LAMA2: variants seen among roughly 807,000 people sequenced by gnomAD.
The protein encoded by LAMA2 is laminin subunit alpha 2.
A neutral mutation model predicts 364.8 loss-of-function variants in LAMA2; 269 were observed. The ratio of observed to expected loss-of-function variants is 0.74; its 90% confidence interval spans 0.67 to 0.82. The LOEUF is 0.82. Among genes scored for constraint, LAMA2 ranks in the 40% least tolerant of loss-of-function variants. The pLI, the probability that LAMA2 is intolerant of heterozygous loss-of-function variation, is 0.00. For missense variants in LAMA2, 3,807 were observed against 3,873.2 expected (o/e 0.98, Z 0.45); for synonymous variants, 1,379 against 1,370.6 (o/e 1.01, Z -0.14).
At chr6:129,064,229 A>G (rs968649891) in intron 3 of LAMA2, among the ~76,000 whole-genome samples, 3 of 152,034 alleles carry the variant, frequency 2.0e-5, no homozygotes, top group Non-Finnish European at 4.4e-5. Context: ...ACTTGAGACA[A>G]ATGAGAATGG....
At chr6:129,152,763 G>A (rs1314748868) in intron 7 of LAMA2, among the ~76,000 whole-genome samples, 2 of 152,076 alleles carry the variant, frequency 1.3e-5, no homozygotes. Context: ...ATTTGTAAAG[G>A]GAGAAACATG....
chr6:129,218,590 A>T (rs1783579470), intron 12 of LAMA2, among the ~76,000 whole-genome samples: 1 of 152,158 alleles, frequency 6.6e-6, no homozygotes, highest in Non-Finnish European at 1.5e-5. Flanking sequence ...TAAATGCCTG[A>T]TACAATTCTG....
At chr6:129,290,650 C>T (rs1789630476) in intron 19 of LAMA2, among the ~76,000 whole-genome samples, 1 of 152,086 alleles carries the variant, frequency 6.6e-6, no homozygotes, top group Admixed American at 6.5e-5. Context: ...GTCATCTCCT[C>T]CTTGTATTTT....
Position 129,314,347 on chromosome 6 carries a change from A to C in LAMA2, c.3412-308A>C, listed in dbSNP as rs1963030. On this transcript the variant is annotated intron_variant, in intron 23 of 64. Coordinates refer to ENST00000421865, the MANE Select transcript of LAMA2 (RefSeq NM_000426.4). ...CTGGGAGGCGGAGCTTGCAGTGAGC[A>C]GAGATAGCGCCACTGCACTCTGGCC... Among the ~76,000 whole-genome samples the C allele has an allele frequency of 0.016, 2,364 of 149,122 alleles. 52 individuals are homozygous for C. The highest frequency in any genetic ancestry group is 0.056 in the African/African-American group (2,255 of 40,108).
chr6:129,486,964 A>T (rs1229477719), intron 56 of LAMA2, among the ~76,000 whole-genome samples: 3 of 152,240 alleles, frequency 2.0e-5, no homozygotes, highest in African/African-American at 4.8e-5. Flanking sequence ...CAAAACTCAC[A>T]AATCAGCTCC....
chr6:128,908,787 C>A (rs1777679571), intron 1 of LAMA2, among the ~76,000 whole-genome samples: 1 of 149,572 alleles, frequency 6.7e-6, no homozygotes, highest in African/African-American at 2.5e-5. Context: ...CTATAAATTT[C>A]CCTCTACACA....
At chr6:129,482,374 T>G (rs1157004027) in intron 55 of LAMA2, among the ~76,000 whole-genome samples, 1 of 152,222 alleles carries the variant, frequency 6.6e-6, no homozygotes, top group Non-Finnish European at 1.5e-5. Flanking sequence ...CTGCCCAGAT[T>G]TAAGCATCAT....
At position 129,481,321 on chromosome 6, in the gene LAMA2, T is replaced by A; in HGVS notation, c.7631T>A (p.Ile2544Asn). Residue 2544 changes from isoleucine (I) to asparagine (N), a missense_variant, in exon 55 of 65, where the codon ATT becomes AAT. Coordinates refer to ENST00000421865, the MANE Select transcript of LAMA2 (RefSeq NM_000426.4). ...PGFVELSPVP[I>N]DVGTEINLSF... ...TTTGTGGAGCTCTCCCCTGTGCCAA[T>A]TGATGTAGGAACAGAAATCAACCTG... The A allele has an allele frequency of 1.2e-6, 2 of 1,613,842 alleles. No homozygotes were observed. Among genetic ancestry groups the A allele is most frequent in the South Asian group, 2.2e-5 (2 of 91,084 alleles).
At chr6:129,452,040 AAG>A (rs1204049085) in intron 45 of LAMA2, among the ~76,000 whole-genome samples, 1 of 152,204 alleles carries the variant, frequency 6.6e-6, no homozygotes, top group African/African-American at 2.4e-5. Context: ...ACAAATGGCA[AAG>A]AGAGATTTTA....
intron 1 of LAMA2, among the ~76,000 whole-genome samples, chr6:129,027,502 G>T (rs1785906889): frequency 6.6e-6 from 1 of 151,890 alleles, no homozygotes. Flanking sequence ...ACATTCTGAA[G>T]ATTCAGAAGA....
chr6:129,393,825 C>G (rs577442416), intron 37 of LAMA2, among the ~76,000 whole-genome samples: 1 of 152,302 alleles, frequency 6.6e-6, no homozygotes, highest in South Asian at 2.1e-4. Context: ...TGAATTGAGA[C>G]CAGAGCTTGG....
intron 4 of LAMA2, among the ~76,000 whole-genome samples, chr6:129,119,807 T>C (rs999148026): frequency 1.8e-4 from 27 of 152,126 alleles, no homozygotes; most frequent in South Asian, 1.4e-3. Flanking sequence ...CTCGGCCTCT[T>C]AAAGTGCTGA....
intron 45 of LAMA2, among the ~76,000 whole-genome samples, chr6:129,446,689 A>G (rs981797952): frequency 5.3e-5 from 8 of 152,044 alleles, no homozygotes; most frequent in Non-Finnish European, 7.4e-5. Context: ...TGTTTTTTGA[A>G]CAACTTTGGA....
chr6:129,252,886 G>A (rs1452795673), intron 14 of LAMA2, among the ~76,000 whole-genome samples: 1 of 152,128 alleles, frequency 6.6e-6, no homozygotes, highest in Non-Finnish European at 1.5e-5. Context: ...GTGACCTTTG[G>A]CAAGTGATTA....
At position 129,172,893 on chromosome 6, in the gene LAMA2, C is replaced by A. The variant is rs566249607; in HGVS notation, c.1307-4813C>A. 9.8e-5 allele frequency among the ~76,000 whole-genome samples: 15 copies of A among 152,352 alleles called. No homozygotes were observed. In the South Asian group the frequency reaches 1.0e-3, roughly 11 times the overall value. On this transcript the variant is annotated intron_variant, in intron 9 of 64. Coordinates refer to ENST00000421865, the MANE Select transcript of LAMA2 (RefSeq NM_000426.4). ...CTCATGGTTCACCGTTTTTTAAGCC[C>A]GTCGGAAAAGCGCAGTATTCCGGTG...
At chr6:129,135,054 C>T (rs773810593) in intron 4 of LAMA2, among the ~76,000 whole-genome samples, 14 of 152,024 alleles carry the variant, frequency 9.2e-5, no homozygotes, top group South Asian at 2.1e-4. Flanking sequence ...ACCTAGGGCA[C>T]GGTAAAAAGT....
intron 1 of LAMA2, among the ~76,000 whole-genome samples, chr6:128,936,612 A>G (rs1178401479): frequency 6.6e-6 from 1 of 152,192 alleles, no homozygotes; most frequent in Admixed American, 6.5e-5. Context: ...TGTTAGGCAC[A>G]GCAAGAGATT....
intron 1 of LAMA2, among the ~76,000 whole-genome samples, chr6:128,892,768 T>G (rs1776536332): frequency 6.6e-6 from 1 of 151,888 alleles, no homozygotes; most frequent in Non-Finnish European, 1.5e-5. Context: ...AATACAACTC[T>G]GGATAGGGAG....
At chr6:129,069,419 ATTAT>A (rs1395049615) in intron 3 of LAMA2, among the ~76,000 whole-genome samples, 3 of 148,238 alleles carry the variant, frequency 2.0e-5, no homozygotes, top group African/African-American at 7.3e-5. Context: ...ATACAATTAT[ATTAT>A]TTATTTAAAA....
Sources: gnomAD v4.1 joint callset for allele counts (sites outside exome capture counted in the v4.1 genomes callset) on GRCh38, gnomAD v4.1.1 for gene constraint, MANE v1.5 for transcripts, NCBI Gene and HGNC (gene_info 2026-07-23, HGNC 2026-07-21) for gene names.